NRG3: variants seen among roughly 807,000 people sequenced by gnomAD.
The protein encoded by NRG3 is neuregulin 3.
Under a neutral mutation model 66.9 loss-of-function variants are expected in NRG3, and 31 were observed. The ratio of observed to expected loss-of-function variants is 0.46; its 90% CI spans 0.35 to 0.63. The LOEUF (loss-of-function observed/expected upper bound fraction) is 0.63. Among genes scored for constraint, NRG3 ranks in the 20% least tolerant of loss-of-function variants. The pLI is 0.00. For synonymous variants in NRG3, 393 were observed against 359.4 expected (o/e 1.09, Z -1.06); for missense variants, 910 against 878.9 (o/e 1.04, Z -0.45).
intron 2 of NRG3, among the ~76,000 whole-genome samples, chr10:82,532,539 CTA>C (rs1847380276): frequency 6.9e-6 from 1 of 145,546 alleles, no homozygotes; most frequent in Admixed American, 6.9e-5. Context: ...ACATATAGTA[CTA>C]TATATGTATA....
intron 2 of NRG3, among the ~76,000 whole-genome samples, chr10:82,721,505 C>T (rs1337604724): frequency 6.6e-6 from 1 of 151,898 alleles, no homozygotes; most frequent in Non-Finnish European, 1.5e-5. Flanking sequence ...TCACTGCAAC[C>T]TCCACCTCCC....
At chr10:82,981,046 A>C (rs1008991205) in intron 8 of NRG3, among the ~76,000 whole-genome samples, 1 of 152,168 alleles carries the variant, frequency 6.6e-6, no homozygotes, top group Admixed American at 6.5e-5. Context: ...AACCCAGCTC[A>C]TGCTGGCCTT....
chr10:82,748,331 A>G (rs1241097548), intron 3 of NRG3, among the ~76,000 whole-genome samples: 1 of 149,806 alleles, frequency 6.7e-6, no homozygotes, highest in Non-Finnish European at 1.5e-5. Context: ...GTATGTTATG[A>G]CTAGGGTGAC....
chr10:82,167,470 G>A (rs949882959), intron 1 of NRG3, among the ~76,000 whole-genome samples: 9 of 152,002 alleles, frequency 5.9e-5, no homozygotes, highest in African/African-American at 2.2e-4. Context: ...CAGGGTGATG[G>A]GAGTGTTCCA....
At chr10:82,517,629 G>C (rs1251135663) in intron 2 of NRG3, among the ~76,000 whole-genome samples, 5 of 70,474 alleles carry the variant, frequency 7.1e-5, no homozygotes, top group South Asian at 3.6e-4. Flanking sequence ...CTCTCACCCC[G>C]CCCCCCCGTG....
intron 2 of NRG3, among the ~76,000 whole-genome samples, chr10:82,517,152 T>G (rs1845738647): frequency 6.6e-6 from 1 of 152,078 alleles, no homozygotes; most frequent in South Asian, 2.1e-4. Context: ...CAACAGAATA[T>G]GGGAGTGATT....
chr10:81,878,108 A>G, intron 1 of NRG3: 1 of 1,520,924 alleles, frequency 6.6e-7, no homozygotes, highest in Non-Finnish European at 8.8e-7. Flanking sequence ...AATTATTTCT[A>G]CCCCTCTATG....
intron 2 of NRG3, among the ~76,000 whole-genome samples, chr10:82,670,087 G>T (rs1221476011): frequency 2.6e-5 from 4 of 152,000 alleles, no homozygotes; most frequent in African/African-American, 9.7e-5. Context: ...TTCTTAAGTC[G>T]GTCAAGATGA....
At chr10:82,216,055 C>T (rs183993100) in intron 1 of NRG3, among the ~76,000 whole-genome samples, 16 of 143,274 alleles carry the variant, frequency 1.1e-4, no homozygotes, top group African/African-American at 3.8e-4. Flanking sequence ...GCAACCTCCG[C>T]CTCCCAGGTT....
intron 2 of NRG3, among the ~76,000 whole-genome samples, chr10:82,721,568 A>G (rs149297724): frequency 0.01 from 1,531 of 151,640 alleles, 23 homozygotes; most frequent in African/African-American, 0.035. Flanking sequence ...GATTACAGGC[A>G]CCCTCCGCCA....
intron 3 of NRG3, among the ~76,000 whole-genome samples, chr10:82,758,836 C>G (rs1399253331): frequency 6.6e-6 from 1 of 151,230 alleles, no homozygotes; most frequent in Non-Finnish European, 1.5e-5. Context: ...AAATAATAAG[C>G]AGGTAAAACT....
chr10:82,098,015 T>C (rs2066461786), intron 1 of NRG3, among the ~76,000 whole-genome samples: 1 of 151,278 alleles, frequency 6.6e-6, no homozygotes, highest in Admixed American at 6.6e-5. Flanking sequence ...TCTGAGACCT[T>C]ATCCTATTGT....
intron 1 of NRG3, among the ~76,000 whole-genome samples, chr10:82,343,949 A>C (rs1013661034): frequency 1.3e-5 from 2 of 152,120 alleles, no homozygotes; most frequent in Non-Finnish European, 2.9e-5. Context: ...CTTATTAAAT[A>C]TTTTGAACAT....
rs143303325 is a variant in NRG3, at chr10:82,271,896, A to C, written c.824-86843A>C. Among the ~76,000 whole-genome samples the C allele has an allele frequency of 2.8e-3, 421 of 152,156 alleles. 2 individuals carry two copies. Among genetic ancestry groups the C allele is most frequent in the African/African-American group, 9.5e-3 (396 of 41,514 alleles). The stretch of plus-strand genomic sequence containing the variant: ...ATACCTTGAAACACATGGGTTCATA[A>C]ATATTGTAATTTATTCGTTCAACAA... On this transcript the variant is annotated intron_variant, in intron 1 of 8. Coordinates refer to ENST00000372141, the MANE Select transcript of NRG3 (RefSeq NM_001010848.4).
intron 2 of NRG3, among the ~76,000 whole-genome samples, chr10:82,609,113 T>C (rs1167184651): frequency 6.6e-6 from 1 of 152,156 alleles, no homozygotes; most frequent in Non-Finnish European, 1.5e-5. Context: ...TTACCATATG[T>C]GATTGACAAA....
At chr10:82,441,704 G>A (rs1294094683) in intron 2 of NRG3, among the ~76,000 whole-genome samples, 2 of 152,100 alleles carry the variant, frequency 1.3e-5, no homozygotes, top group African/African-American at 4.8e-5. Flanking sequence ...CAAGGGTGGT[G>A]TATTAATAAC....
At chr10:82,448,328 C>A (rs2090846971) in intron 2 of NRG3, among the ~76,000 whole-genome samples, 2 of 152,128 alleles carry the variant, frequency 1.3e-5, no homozygotes, top group Non-Finnish European at 2.9e-5. Flanking sequence ...AGGAAGAAAA[C>A]ACTAGGGAAA....
At chr10:82,581,265 CT>C (rs2133214491) in intron 2 of NRG3, among the ~76,000 whole-genome samples, 1 of 152,050 alleles carries the variant, frequency 6.6e-6, no homozygotes, top group African/African-American at 2.4e-5. Flanking sequence ...TCATTTCCCA[CT>C]TTTTAATTAG....
chr10:82,980,400 G>GT (rs1396845841), intron 8 of NRG3, among the ~76,000 whole-genome samples: 2 of 152,142 alleles, frequency 1.3e-5, no homozygotes, highest in East Asian at 3.9e-4. Flanking sequence ...TGCAATCAGG[G>GT]TTTACTCTAG....
Sources: allele counts gnomAD v4.1 joint callset (sites outside exome capture counted in the v4.1 genomes callset), GRCh38; gene constraint gnomAD v4.1.1; transcripts MANE v1.5; gene names NCBI Gene and HGNC (gene_info 2026-07-23, HGNC 2026-07-21).